Variants in RTL4 observed in about 807,000 individuals in gnomAD.
The protein encoded by RTL4 is retrotransposon Gag-like protein 4.
Under a neutral mutation model 5.3 loss-of-function variants are expected in RTL4, and 4 were observed. The observed-to-expected ratio is 0.75, with a 90% confidence interval of 0.37 to 1.72. The LOEUF (loss-of-function observed/expected upper bound fraction) is 1.72. RTL4 is among the 40% of genes most tolerant of loss of function. The pLI, the probability that RTL4 is intolerant of heterozygous loss-of-function variation, is 0.04. For missense variants in RTL4, 260 were observed against 227.1 expected (o/e 1.14, Z -0.93); for synonymous variants, 98 against 87.3 (o/e 1.12, Z -0.68).
At chrX:112,310,120 C>G in the RTL4 span, among the ~76,000 whole-genome samples, 3 of 103,015 alleles carry the variant, frequency 2.9e-5, no homozygotes, top group Non-Finnish European at 3.9e-5. Context: ...GAATTGTACC[C>G]CCTTCCAAAT....
the RTL4 span, among the ~76,000 whole-genome samples, chrX:112,354,017 T>G: frequency 5.4e-5 from 6 of 110,989 alleles, no homozygotes; most frequent in African/African-American, 2.0e-4. Flanking sequence ...TGTGGGTAAC[T>G]GTGGGATTGT....
chrX:112,187,062 C>T, the RTL4 span, among the ~76,000 whole-genome samples: 3 of 111,979 alleles, frequency 2.7e-5, no homozygotes, highest in Non-Finnish European at 5.6e-5. Flanking sequence ...TCATCTCTTA[C>T]AGCCACAGCT....
At chrX:112,437,071 A>G in the RTL4 span, among the ~76,000 whole-genome samples, 1 of 112,058 alleles carries the variant, frequency 8.9e-6, no homozygotes, top group Non-Finnish European at 1.9e-5. Context: ...AAAGCCTCCA[A>G]ATTTATTAAA....
chrX:112,456,230 C>A (rs1343579760), exon 1 of RTL4: 1 of 305,475 alleles, frequency 3.3e-6, no homozygotes, highest in Non-Finnish European at 5.9e-6. Flanking sequence ...ATCAACCTTC[C>A]TGGAACCACA....
At chrX:112,261,682 G>GA in the RTL4 span, among the ~76,000 whole-genome samples, 3 of 111,634 alleles carry the variant, frequency 2.7e-5, no homozygotes, top group Admixed American at 9.5e-5. Context: ...CATAGAATTG[G>GA]AAAAAACTAC....
the RTL4 span, among the ~76,000 whole-genome samples, chrX:112,350,458 C>T: frequency 2.7e-5 from 3 of 109,798 alleles, no homozygotes; most frequent in Non-Finnish European, 3.8e-5. Flanking sequence ...CCTCCTTGTA[C>T]CTCTGGTAGA....
the RTL4 span, among the ~76,000 whole-genome samples, chrX:112,424,971 T>C: frequency 9.0e-6 from 1 of 111,177 alleles, no homozygotes; most frequent in African/African-American, 3.3e-5. Flanking sequence ...TAGGATTCAC[T>C]CTTGCTGTTG....
chrX:112,373,032 ACT>A, the RTL4 span, among the ~76,000 whole-genome samples: 2 of 111,141 alleles, frequency 1.8e-5, no homozygotes. Context: ...TCTTCTTCTC[ACT>A]GTAAGAGTGA....
the RTL4 span, among the ~76,000 whole-genome samples, chrX:112,171,479 C>T: frequency 9.0e-6 from 1 of 110,992 alleles, no homozygotes; most frequent in Middle Eastern, 4.6e-3. Flanking sequence ...CTGGTTCAGT[C>T]TTGGAAGGGT....
chrX:112,412,036 C>A, the RTL4 span, among the ~76,000 whole-genome samples: 75 of 109,089 alleles, frequency 6.9e-4, no homozygotes, highest in Non-Finnish European at 1.3e-3. Context: ...ATATAAAAAT[C>A]AGTAACATTT....
chrX:112,273,915 C>T, the RTL4 span, among the ~76,000 whole-genome samples: 18 of 112,130 alleles, frequency 1.6e-4, 1 homozygote, highest in Admixed American at 1.7e-3. Flanking sequence ...CATAGCAAAT[C>T]TCAACAAGTG....
the RTL4 span, among the ~76,000 whole-genome samples, chrX:112,227,131 G>A: frequency 1.4e-3 from 151 of 110,874 alleles, 1 homozygote; most frequent in Admixed American, 7.0e-3. Context: ...CTCACCCCAA[G>A]CTTTGGTCAG....
chrX:112,250,178 C>G, the RTL4 span, among the ~76,000 whole-genome samples: 1 of 109,605 alleles, frequency 9.1e-6, no homozygotes, highest in African/African-American at 3.3e-5. Context: ...ACTTGGGAAG[C>G]TGAGGCGGGA....
At chrX:112,397,298 T>C in the RTL4 span, among the ~76,000 whole-genome samples, 1 of 112,107 alleles carries the variant, frequency 8.9e-6, no homozygotes, top group African/African-American at 3.2e-5. Flanking sequence ...AAATACCTAA[T>C]GCAGAGTAAA....
At chrX:112,091,324 A>C in the RTL4 span, among the ~76,000 whole-genome samples, 1 of 111,651 alleles carries the variant, frequency 9.0e-6, no homozygotes, top group African/African-American at 3.2e-5. Context: ...CTAGTTCCTT[A>C]AATGTAAGTT....
chrX:112,237,336 G>T, the RTL4 span, among the ~76,000 whole-genome samples: 1 of 112,223 alleles, frequency 8.9e-6, no homozygotes, highest in East Asian at 2.8e-4. Context: ...GAGCAAAGTG[G>T]TTTGCTACGT....
At chrX:112,338,093 A>G in the RTL4 span, among the ~76,000 whole-genome samples, 3 of 111,720 alleles carry the variant, frequency 2.7e-5, no homozygotes, top group African/African-American at 9.8e-5. Context: ...AGATTTACCA[A>G]TTTACAGTCT....
At chrX:112,376,230 C>T in the RTL4 span, among the ~76,000 whole-genome samples, 1 of 111,549 alleles carries the variant, frequency 9.0e-6, no homozygotes, top group Non-Finnish European at 1.9e-5. Flanking sequence ...TATGTATGGT[C>T]ATTTACTAAG....
At chrX:112,455,422 C>T (rs778372062) in exon 1 of RTL4, 2 of 1,211,148 alleles carry the variant, frequency 1.7e-6, no homozygotes, top group East Asian at 5.9e-5. Flanking sequence ...AGAGACCCAG[C>T]TCCCATTGTT....
Sources: allele counts gnomAD v4.1 joint callset (sites outside exome capture counted in the v4.1 genomes callset), GRCh38; gene constraint gnomAD v4.1.1; transcripts MANE v1.5; gene names NCBI Gene and HGNC (gene_info 2026-07-23, HGNC 2026-07-21).